Variants in NEIL2 observed in about 807,000 individuals in gnomAD.
The protein encoded by NEIL2 is nei like DNA glycosylase 2, also known as endonuclease 8-like 2.
In NEIL2, 23 loss-of-function variants were observed where a neutral mutation model predicts 22.2. The observed-to-expected ratio is 1.04, with a 90% confidence interval of 0.75 to 1.47. The LOEUF is 1.47. Among genes scored for constraint, NEIL2 ranks in the 40% most tolerant of loss-of-function variants. The probability of loss-of-function intolerance (pLI) is 0.00; values close to 1 mark genes in which losing one functional copy is unlikely to be tolerated. For synonymous variants in NEIL2, 229 were observed against 164.8 expected (o/e 1.39, Z -2.99); for missense variants, 583 against 404.7 (o/e 1.44, Z -3.78).
rs1441121144 is a variant in NEIL2 at position 11,786,631 on chromosome 8, T to TTG, written c.*359_*360insGT. Reference sequence around the variant, plus strand: ...CATAGCTTTGCAGATGATGTGGGTTTTTTTTTTTTTTTTGGTTGTTTGTTT... The same window carrying TTG: ...CATAGCTTTGCAGATGATGTGGGTTTTGTTTTTTTTTTTTTGGTTGTTTGTTT... On this transcript the variant is annotated 3_prime_UTR_variant, in exon 5 of 5. Transcript: ENST00000284503. 34 of 283,392 alleles carry TTG rather than the reference T, an allele frequency of 1.2e-4. No homozygotes were observed. The highest frequency in any genetic ancestry group is 6.8e-4 in the African/African-American group (30 of 44,168). 17.6% of individuals were successfully genotyped at this position (283,392 alleles called of 1,614,324 possible).
In NEIL2 at chr8:11,771,359, C is replaced by T. The variant is rs190073017; in HGVS notation, c.-2-87C>T. ...TAAAGTTAGTTGGCAGCAAAAATGG[C>T]GGCATGGAGGATGCTTGGCACCTGT... On this transcript the variant is annotated intron_variant, in intron 1 of 4. Transcript: ENST00000284503. 10 of 1,545,592 alleles carry T rather than the reference C, an allele frequency of 6.5e-6. No homozygotes were observed. The East Asian group carries it at 9.0e-5, about 14-fold the overall frequency.
intron 2 of NEIL2, among the ~76,000 whole-genome samples, chr8:11,775,413 G>A (rs1279242382): frequency 6.6e-6 from 1 of 152,244 alleles, no homozygotes; most frequent in Admixed American, 6.5e-5. Context: ...ACAGCAGAGG[G>A]GGCCCTGGAT....
chr8:11,771,230 A>G (rs1803406116), intron 1 of NEIL2, among the ~76,000 whole-genome samples: 1 of 152,006 alleles, frequency 6.6e-6, no homozygotes, highest in African/African-American at 2.4e-5. Context: ...GAAAGGTAAG[A>G]GGGGCTGCCT....
At chr8:11,779,536 C>A in intron 2 of NEIL2, 62 bp from the exon 3 acceptor site, 1 of 1,285,870 alleles carries the variant, frequency 7.8e-7, no homozygotes, top group Non-Finnish European at 1.1e-6. Context: ...GGATAAATAT[C>A]CGCATTCCCC....
rs772930057 is a variant in NEIL2, at chr8:11,779,853, C to T, written c.394C>T (p.Arg132Cys). 16 of 1,613,932 alleles carry T rather than the reference C, an allele frequency of 9.9e-6. No individual in the cohort carries two copies. Among genetic ancestry groups the T allele is most frequent in the East Asian group, 8.9e-5 (4 of 44,902 alleles). Residue 132 changes from arginine (R) to cysteine (C), a missense_variant, in exon 3 of 5, where the codon CGT (arginine) becomes TGT (cysteine). Coordinates refer to ENST00000284503, the MANE Select transcript of NEIL2 (RefSeq NM_145043.4). The part of the protein sequence containing the change: ...APAGDAGRWL[R>C]VSFGLFGSVW... ...TGCAGGAGATGCTGGGAGGTGGCTGCGTGTCAGCTTTGGTTTGTTTGGCAG... is the reference window on the plus strand; with the variant it reads ...TGCAGGAGATGCTGGGAGGTGGCTGTGTGTCAGCTTTGGTTTGTTTGGCAG...
intron 4 of NEIL2, among the ~76,000 whole-genome samples, chr8:11,784,636 G>A (rs1337987623): frequency 6.6e-6 from 1 of 152,182 alleles, no homozygotes; most frequent in Admixed American, 6.5e-5. Context: ...TCCTTAAGGA[G>A]ATCATTGTAT....
chr8:11,775,034 G>A (rs1803787432), intron 2 of NEIL2, among the ~76,000 whole-genome samples: 1 of 152,206 alleles, frequency 6.6e-6, no homozygotes. Context: ...TACCATTCTG[G>A]GGTCTGGAGG....
rs545084170 is a variant in NEIL2 at position 11,786,888 on chromosome 8, C to T, written c.*615C>T. 1 of 154,104 alleles carries T rather than the reference C, an allele frequency of 6.5e-6. No individual in the cohort carries two copies. Among genetic ancestry groups the T allele is most frequent in the South Asian group, 2.0e-4 (1 of 4,916 alleles). The allele number at this position is 154,104 out of a possible 1,614,324, so 9.5% of individuals were successfully genotyped here. On this transcript the variant is annotated 3_prime_UTR_variant, in exon 5 of 5. Coordinates refer to ENST00000284503, the MANE Select transcript of NEIL2 (RefSeq NM_145043.4). ...TCCTACAACTCAAGCATTCCTCCCA[C>T]CTTGGTCTCCCAAAATGTTGGGACC...
Position 11,779,530 on chromosome 8 carries a change from A to T in NEIL2, c.139-68A>T, listed in dbSNP as rs1804205914. The T allele has an allele frequency of 4.0e-6, 5 of 1,245,290 alleles. No individual in the cohort carries two copies. In the South Asian group the frequency reaches 6.0e-5, roughly 15 times the overall value. 77.1% of individuals were successfully genotyped at this position (1,245,290 alleles called of 1,614,324 possible). A position where few individuals can be genotyped will look rare whatever the true frequency, so the allele number is the denominator to read the frequency against. On this transcript the variant is annotated intron_variant, in intron 2 of 4. Transcript: ENST00000284503. ...AGAAGGAAGACCTTTGCAATAGGAT[A>T]AATATCCGCATTCCCCAGTTCCCCT...
At chr8:11,784,044 T>A (rs1219123137) in intron 4 of NEIL2, among the ~76,000 whole-genome samples, 1 of 136,928 alleles carries the variant, frequency 7.3e-6, no homozygotes, top group Non-Finnish European at 1.6e-5. Context: ...GCGTTCTTAT[T>A]ACTCACAGTA....
chr8:11,774,246 G>T (rs1363159254), intron 2 of NEIL2, among the ~76,000 whole-genome samples: 1 of 152,002 alleles, frequency 6.6e-6, no homozygotes, highest in African/African-American at 2.4e-5. Context: ...ATGGTGGTGG[G>T]CGCCTGTAAT....
chr8:11,776,344 A>G (rs1803902898), intron 2 of NEIL2, among the ~76,000 whole-genome samples: 1 of 152,170 alleles, frequency 6.6e-6, no homozygotes. Flanking sequence ...CCCCCCCACA[A>G]CACGTGGGAA....
chr8:11,773,094 T>C (rs901770069), intron 2 of NEIL2, among the ~76,000 whole-genome samples: 1 of 152,176 alleles, frequency 6.6e-6, no homozygotes, highest in African/African-American at 2.4e-5. Flanking sequence ...CGGGGTCCCA[T>C]GGCCTCCAGG....
chr8:11,771,754 T>C (rs893175175), intron 2 of NEIL2, among the ~76,000 whole-genome samples, 169 bp downstream of exon 2: 5 of 152,146 alleles, frequency 3.3e-5, no homozygotes, highest in African/African-American at 1.2e-4. Context: ...GAAGTAGATA[T>C]CGCTGTGGAC....
chr8:11,775,473 G>T (rs1181293860), intron 2 of NEIL2, among the ~76,000 whole-genome samples: 1 of 152,224 alleles, frequency 6.6e-6, no homozygotes, highest in Non-Finnish European at 1.5e-5. Context: ...CCTGTGATGG[G>T]AGGGGCTGCT....
intron 3 of NEIL2, among the ~76,000 whole-genome samples, chr8:11,782,163 C>G (rs1396565541): frequency 6.6e-6 from 1 of 152,074 alleles, no homozygotes; most frequent in African/African-American, 2.4e-5. Flanking sequence ...TGGCTCACAC[C>G]TGTAATCCCA....
intron 1 of NEIL2, among the ~76,000 whole-genome samples, chr8:11,770,902 T>TA (rs1803379093): frequency 6.6e-6 from 1 of 152,184 alleles, no homozygotes; most frequent in Non-Finnish European, 1.5e-5. Flanking sequence ...GTCTCACTTA[T>TA]GATTCTGAGC....
At chr8:11,773,987 G>A (rs1803691324) in intron 2 of NEIL2, among the ~76,000 whole-genome samples, 3 of 152,176 alleles carry the variant, frequency 2.0e-5, no homozygotes, top group Admixed American at 2.0e-4. Flanking sequence ...GCATGGCTGG[G>A]GAGGCCTCGC....
At chr8:11,776,272 A>G (rs1487175974) in intron 2 of NEIL2, among the ~76,000 whole-genome samples, 2 of 152,220 alleles carry the variant, frequency 1.3e-5, no homozygotes, top group African/African-American at 4.8e-5. Flanking sequence ...TGTGAGACTT[A>G]CTGTTGTGGG....
Sources: gnomAD v4.1 joint callset for allele counts (sites outside exome capture counted in the v4.1 genomes callset) on GRCh38, gnomAD v4.1.1 for gene constraint, MANE v1.5 for transcripts, NCBI Gene and HGNC (gene_info 2026-07-23, HGNC 2026-07-21) for gene names.